Variants in PDZD2 observed in about 807,000 individuals in gnomAD.
PDZD2 encodes the protein PDZ domain containing 2.
Under a neutral mutation model 220.7 loss-of-function variants are expected in PDZD2, and 90 were observed. That is an observed-to-expected ratio of 0.41 (90% CI 0.34 to 0.49). The LOEUF (loss-of-function observed/expected upper bound fraction) is 0.49. Ranked by LOEUF, PDZD2 falls within the 20% of genes least tolerant of loss-of-function variation. PDZD2 has a pLI of 0.28. For missense variants in PDZD2, 3,174 were observed against 3,608.5 expected, an observed-to-expected ratio of 0.88 and a Z score of 3.08; for synonymous variants, 1,375 against 1,450.5, an observed-to-expected ratio of 0.95 and a Z score of 1.18.
chr5:31,813,312 T>C (rs955222715), intron 2 of PDZD2, among the ~76,000 whole-genome samples: 6 of 151,932 alleles, frequency 3.9e-5, no homozygotes, highest in Admixed American at 6.6e-5. Context: ...TAGCCGGGCA[T>C]GGTGGCAGGC....
intron 1 of PDZD2, among the ~76,000 whole-genome samples, chr5:31,685,496 T>C (rs938495366): frequency 6.6e-6 from 1 of 152,190 alleles, no homozygotes; most frequent in Admixed American, 6.5e-5. Flanking sequence ...CTCGTCCGCA[T>C]GCATACCCAC....
At chr5:31,837,933 C>T (rs1757046510) in intron 2 of PDZD2, among the ~76,000 whole-genome samples, 1 of 151,934 alleles carries the variant, frequency 6.6e-6, no homozygotes, top group Admixed American at 6.6e-5. Flanking sequence ...ACTAAAGAAA[C>T]TAAGATGAAC....
intron 2 of PDZD2, chr5:31,823,064 C>A: frequency 9.8e-7 from 1 of 1,015,550 alleles, no homozygotes; most frequent in Non-Finnish European, 1.4e-6. Context: ...TTCACAATAA[C>A]TGTGCATCCC....
intron 1 of PDZD2, among the ~76,000 whole-genome samples, chr5:31,668,577 G>A (rs930409657): frequency 2.6e-5 from 4 of 152,232 alleles, no homozygotes; most frequent in African/African-American, 9.6e-5. Context: ...GGGTTTTGGA[G>A]TTGCGGTCTC....
At chr5:31,931,554 A>G (rs1376162220) in intron 2 of PDZD2, among the ~76,000 whole-genome samples, 2 of 151,988 alleles carry the variant, frequency 1.3e-5, no homozygotes, top group Non-Finnish European at 2.9e-5. Flanking sequence ...CAGAAGAGAG[A>G]TGGAGATTGA....
At chr5:31,991,136 C>A (rs1751176783) in intron 3 of PDZD2, among the ~76,000 whole-genome samples, 1 of 152,164 alleles carries the variant, frequency 6.6e-6, no homozygotes, top group Non-Finnish European at 1.5e-5. Context: ...GGAGTTTGAA[C>A]CTTATTCTCG....
chr5:32,026,679 G>C (rs537105922), intron 6 of PDZD2, among the ~76,000 whole-genome samples: 35 of 152,174 alleles, frequency 2.3e-4, no homozygotes, highest in South Asian at 1.7e-3. Flanking sequence ...ATGACCCAAG[G>C]GTCTACCTTG....
Position 31,849,979 on chromosome 5 carries a change from CATATAT to C in PDZD2, c.476+50263_476+50268del, listed in dbSNP as rs202126122. On this transcript the variant is annotated intron_variant, in intron 2 of 24. Transcript: ENST00000438447. ...ATATATATACACATATATATATATA[CATATAT>C]ATATATACACATATATATATATACA... Among the ~76,000 whole-genome samples the C allele has an allele frequency of 7.7e-4, 23 of 29,892 alleles. 6 individuals are homozygous for C. The highest frequency in any genetic ancestry group is 4.4e-3 in the African/African-American group (21 of 4,772). 19.6% of individuals were successfully genotyped at this position (29,892 alleles called of 152,430 possible).
At chr5:31,909,523 G>C (rs59057078) in intron 2 of PDZD2, among the ~76,000 whole-genome samples, 48,484 of 151,778 alleles carry the variant, frequency 0.32, 8,037 homozygotes, top group African/African-American at 0.39. Context: ...TTCTTTTACC[G>C]CATACAGTAG....
At chr5:32,006,776 G>A (rs188697099) in intron 5 of PDZD2, among the ~76,000 whole-genome samples, 12 of 139,014 alleles carry the variant, frequency 8.6e-5, no homozygotes, top group Admixed American at 2.4e-4. Context: ...TGCGACCTCC[G>A]CCTCCTAGGT....
chr5:31,716,675 C>T (rs1236161613), intron 1 of PDZD2, among the ~76,000 whole-genome samples: 2 of 152,088 alleles, frequency 1.3e-5, no homozygotes, highest in Admixed American at 6.6e-5. Flanking sequence ...TGGTGGTGGG[C>T]ACCTGTAGTC....
intron 4 of PDZD2, among the ~76,000 whole-genome samples, chr5:31,997,711 C>T (rs1329214574): frequency 1.3e-5 from 2 of 152,180 alleles, no homozygotes; most frequent in Non-Finnish European, 2.9e-5. Context: ...CTTTTCATTT[C>T]ATTCTTAGCC....
At chr5:31,759,022 G>A (rs1356139967) in intron 1 of PDZD2, among the ~76,000 whole-genome samples, 2 of 152,020 alleles carry the variant, frequency 1.3e-5, no homozygotes, top group East Asian at 1.9e-4. Flanking sequence ...CACACTGGAT[G>A]AGCCATTAGC....
intron 1 of PDZD2, among the ~76,000 whole-genome samples, chr5:31,736,093 G>A (rs1749844664): frequency 6.6e-6 from 1 of 152,154 alleles, no homozygotes; most frequent in Non-Finnish European, 1.5e-5. Context: ...CGGAGGTAAT[G>A]CTAACAGTAT....
At chr5:31,804,094 G>A (rs1472760127) in intron 2 of PDZD2, among the ~76,000 whole-genome samples, 1 of 151,996 alleles carries the variant, frequency 6.6e-6, no homozygotes, top group African/African-American at 2.4e-5. Context: ...AAAACGCTGG[G>A]CTTCTGGAAA....
chr5:31,908,100 A>G (rs1262970855), intron 2 of PDZD2, among the ~76,000 whole-genome samples: 1 of 142,930 alleles, frequency 7.0e-6, no homozygotes, highest in Non-Finnish European at 1.6e-5. Context: ...AAAAAAAAAA[A>G]AAAAAAAAGA....
At chr5:31,736,109 G>A (rs1749845638) in intron 1 of PDZD2, among the ~76,000 whole-genome samples, 1 of 152,166 alleles carries the variant, frequency 6.6e-6, no homozygotes, top group Admixed American at 6.5e-5. Context: ...AGTATCTTGT[G>A]TTTTGCTATG....
At chr5:31,998,576 G>A (rs776173739) in intron 4 of PDZD2, among the ~76,000 whole-genome samples, 4 of 152,156 alleles carry the variant, frequency 2.6e-5, no homozygotes, top group African/African-American at 4.8e-5. Flanking sequence ...TGGGCGTGTC[G>A]GAGGCGTGCA....
rs531722919 is a variant in PDZD2 at position 32,080,214 on chromosome 5, G to C, written c.3682+2608G>C. On this transcript the variant is annotated intron_variant, in intron 19 of 24. Transcript: ENST00000438447. ...ATACAAAAAATTAGCCAGACGTGGT[G>C]GTGGGCACCTGTAGTCCCAACTACT... is the stretch of plus-strand genomic sequence containing the variant. Among the ~76,000 whole-genome samples the C allele has an allele frequency of 1.4e-3, 206 of 151,976 alleles. 1 individual carries two copies. The highest frequency in any genetic ancestry group is 4.8e-3 in the African/African-American group (197 of 41,462).
Sources: allele counts gnomAD v4.1 joint callset (sites outside exome capture counted in the v4.1 genomes callset), GRCh38; gene constraint gnomAD v4.1.1; transcripts MANE v1.5; gene names NCBI Gene and HGNC (gene_info 2026-07-23, HGNC 2026-07-21).